The following MAU2 variants were observed in gnomAD, a reference collection of about 807,000 sequenced individuals.
MAU2 encodes the protein MAU2 sister chromatid cohesion factor, also known as MAU2 chromatid cohesion factor homolog.
Under a neutral mutation model 89.1 loss-of-function variants are expected in MAU2, and 9 were observed. The observed-to-expected ratio is 0.10, with a 90% CI of 0.06 to 0.18. MAU2 has a LOEUF of 0.18. MAU2 is among the 10% of genes least tolerant of loss of function. The pLI is 1.00. For missense variants in MAU2, 425 were observed against 803.5 expected (o/e 0.53, Z 5.69); for synonymous variants, 357 against 343.4 (o/e 1.04, Z -0.44).
At chr19:19,348,486 G>T in intron 13 of MAU2, 1 of 358,884 alleles carries the variant, frequency 2.8e-6, no homozygotes, top group Non-Finnish European at 5.2e-6. Flanking sequence ...TTATCAGTCA[G>T]ATCACGCCCC....
chr19:19,350,765 T>C (rs566817112), intron 16 of MAU2, among the ~76,000 whole-genome samples: 20 of 152,122 alleles, frequency 1.3e-4, no homozygotes, highest in African/African-American at 4.6e-4. Flanking sequence ...CCGGGCATGG[T>C]GGCAGGCGCC....
At chr19:19,326,718 A>T (rs1302576854) in intron 1 of MAU2, among the ~76,000 whole-genome samples, 1 of 112,574 alleles carries the variant, frequency 8.9e-6, no homozygotes, top group African/African-American at 3.1e-5. Context: ...ATATATATAT[A>T]TACATATATA....
At chr19:19,352,812 T>C (rs1348220211) in intron 16 of MAU2, 1 of 152,192 alleles carries the variant, frequency 6.6e-6, no homozygotes, top group East Asian at 1.9e-4. Context: ...GCTCCCTGTG[T>C]CCCTGGGCCC....
chr19:19,346,646 C>T (rs1202171557), intron 12 of MAU2, among the ~76,000 whole-genome samples: 1 of 152,204 alleles, frequency 6.6e-6, no homozygotes, highest in East Asian at 1.9e-4. Context: ...CTCACTCCAC[C>T]TCTTGCCCAG....
rs747760948 is a variant in MAU2, at chr19:19,341,386, C to T, written c.714C>T (p.Thr238=). ...TCTTCTTCCTGGTGCTCCAGGTCAC[C>T]CACTATCTGGATGCCGGGCAGGTGT... ...LRVFFLVLQV[T]HYLDAGQVKS... Residue 238 remains threonine (T), a synonymous_variant, in exon 7 of 19, where the codon ACC becomes ACT. Transcript: ENST00000262815. 52 of 1,613,824 alleles carry T rather than the reference C, an allele frequency of 3.2e-5. No individual in the cohort carries two copies. The highest frequency in any genetic ancestry group is 4.2e-5 in the Non-Finnish European group (50 of 1,180,024).
chr19:19,334,651 C>G, intron 1 of MAU2: 1 of 963,370 alleles, frequency 1.0e-6, no homozygotes, highest in Non-Finnish European at 1.2e-6. Context: ...GGGGTGACAC[C>G]AGGGCATTCT....
chr19:19,340,933 C>A, intron 6 of MAU2, 60 bp downstream of exon 6: 2 of 1,604,766 alleles, frequency 1.2e-6, no homozygotes, highest in Non-Finnish European at 1.7e-6. Flanking sequence ...GGCAGGGCCC[C>A]CACAGAGTCT....
At chr19:19,349,124 C>T in intron 14 of MAU2, 31 bp from the exon 15 acceptor site, 1 of 1,612,618 alleles carries the variant, frequency 6.2e-7, no homozygotes, top group Non-Finnish European at 8.5e-7. Flanking sequence ...TCAAAATCAC[C>T]ACCCCATGTG....
chr19:19,329,071 G>A (rs1407125309), intron 1 of MAU2: 1 of 455,840 alleles, frequency 2.2e-6, no homozygotes, highest in Non-Finnish European at 4.4e-6. Context: ...AGCATCTATG[G>A]TTCACTTTCT....
At chr19:19,329,116 A>T (rs953891878) in intron 1 of MAU2, 5 of 455,734 alleles carry the variant, frequency 1.1e-5, no homozygotes, top group Non-Finnish European at 2.2e-5. Flanking sequence ...TTCTCTTAAG[A>T]CCCAACAGGG....
rs2061687990 is a variant in MAU2, at chr19:19,345,731, T to TCAGGAA, written c.1221+363_1221+364insAGGAAC. On this transcript the variant is annotated intron_variant, in intron 12 of 18. Transcript: ENST00000262815. This position sits in a 1 kb window ranked among gnomAD's most constrained non-coding sequence, Gnocchi z 4.9. ...CTCAGAGCCATCCTGGGTTCAGGGC[T>TCAGGAA]CCCATGGGGAGTGGTGGAGCTGGGC... Among the ~76,000 whole-genome samples, 2 of 152,050 alleles carry TCAGGAA rather than the reference T, an allele frequency of 1.3e-5. No individual in the cohort carries two copies. The highest frequency in any genetic ancestry group is 2.9e-5 in the Non-Finnish European group (2 of 67,970).
At chr19:19,341,118 G>A in intron 6 of MAU2, 134 bp from the exon 7 acceptor site, 1 of 1,126,992 alleles carries the variant, frequency 8.9e-7, no homozygotes, top group Non-Finnish European at 1.2e-6. Flanking sequence ...GCCTGGGCTG[G>A]GGTTTCAGGC....
At chr19:19,327,602 G>A (rs1241807581) in intron 1 of MAU2, among the ~76,000 whole-genome samples, 1 of 152,164 alleles carries the variant, frequency 6.6e-6, no homozygotes, top group Non-Finnish European at 1.5e-5. Flanking sequence ...TGGGATTACA[G>A]GCGTGAGCCA....
chr19:19,326,734 A>G (rs1397759832), intron 1 of MAU2, among the ~76,000 whole-genome samples: 5 of 127,986 alleles, frequency 3.9e-5, no homozygotes, highest in African/African-American at 5.5e-5. Flanking sequence ...ATATATATAT[A>G]TACACAAAAA....
intron 16 of MAU2, among the ~76,000 whole-genome samples, chr19:19,351,572 T>C (rs1282778805): frequency 6.6e-6 from 1 of 151,518 alleles, no homozygotes; most frequent in Non-Finnish European, 1.5e-5. Context: ...CCCAGCTAAT[T>C]GGGAGGCTGA....
At chr19:19,330,606 G>A (rs2061548039) in intron 1 of MAU2, among the ~76,000 whole-genome samples, 1 of 152,198 alleles carries the variant, frequency 6.6e-6, no homozygotes, top group African/African-American at 2.4e-5. Flanking sequence ...CAGGCGTGAT[G>A]GCGCATGCCT....
chr19:19,335,590 G>A (rs1056088685), intron 1 of MAU2, 128 bp from the exon 2 acceptor site: 27 of 896,642 alleles, frequency 3.0e-5, no homozygotes, highest in Non-Finnish European at 4.4e-5. Context: ...CAAGCGGGCC[G>A]CCTTCTTGTT....
rs1336219998 is a variant in MAU2, at chr19:19,343,824, C to T, written c.974-13C>T. On this transcript the variant is annotated splice_polypyrimidine_tract_variant and intron_variant, in intron 9 of 18. Transcript: ENST00000262815. The stretch of plus-strand genomic sequence containing the variant: ...GCCTCCCCTGCATGCTTACCCCTGA[C>T]TCTCACCCATAGTGCTGGACTGCAG... 1 of 1,605,218 alleles carries T rather than the reference C, an allele frequency of 6.2e-7. No homozygotes were observed. The highest frequency in any genetic ancestry group is 1.7e-5 in the Admixed American group (1 of 59,996).
At chr19:19,321,270 C>G in intron 1 of MAU2, 135 bp downstream of exon 1, 1 of 1,072,840 alleles carries the variant, frequency 9.3e-7, no homozygotes, top group African/African-American at 1.7e-5. Flanking sequence ...GCCGCAGGAC[C>G]CCCACCCGCC....
Sources: gnomAD v4.1 joint callset for allele counts (sites outside exome capture counted in the v4.1 genomes callset) on GRCh38, gnomAD v4.1.1 for gene constraint, Gnocchi (gnomAD v3.1) non-coding constraint, MANE v1.5 for transcripts, NCBI Gene and HGNC (gene_info 2026-07-23, HGNC 2026-07-21) for gene names.